The following SLC12A6 variants were observed in gnomAD, a reference collection of about 807,000 sequenced individuals.
SLC12A6 encodes the protein solute carrier family 12 member 6, also known as K-Cl cotransporter 3.
A neutral mutation model predicts 135.3 loss-of-function variants in SLC12A6; 66 were observed. The ratio of observed to expected loss-of-function variants is 0.49; its 90% confidence interval spans 0.40 to 0.60. The LOEUF is 0.60. Ranked by LOEUF, SLC12A6 falls within the 20% of genes least tolerant of loss-of-function variation. SLC12A6 has a pLI of 0.00. For synonymous variants in SLC12A6, 513 were observed against 508.8 expected, an observed-to-expected ratio of 1.01 and a Z score of -0.11; for missense variants, 1,058 against 1,452.3, an observed-to-expected ratio of 0.73 and a Z score of 4.41.
intron 2 of SLC12A6, among the ~76,000 whole-genome samples, chr15:34,278,193 G>A (rs1015701322): frequency 2.6e-5 from 4 of 152,158 alleles, no homozygotes; most frequent in Non-Finnish European, 5.9e-5. Flanking sequence ...TTGGGAGGCC[G>A]AGGCGGGTGG....
intron 20 of SLC12A6, 84 bp downstream of exon 20, chr15:34,238,881 T>A: frequency 8.3e-7 from 1 of 1,200,336 alleles, no homozygotes; most frequent in South Asian, 1.2e-5. Context: ...GCATAGTCTC[T>A]ACTTTAGGAG....
Position 34,236,219 on chromosome 15 carries a change from A to AAG in SLC12A6, c.3043-21_3043-20insCT. ...TTGTGCCTGAGGAAGAAGGTCCAAC[A>AAG]CAAGTTATTCTACCAAATTTTCTCT... On this transcript the variant is annotated intron_variant, in intron 23 of 25. Transcript: ENST00000354181. 9 of 1,603,580 alleles carry AAG rather than the reference A, an allele frequency of 5.6e-6. No individual in the cohort carries two copies. The highest frequency in any genetic ancestry group is 1.7e-4 in the Middle Eastern group (1 of 5,984).
rs749264163 is a variant in SLC12A6, at chr15:34,255,419, GAAGA to G, written c.746-31_746-28del. The G allele has an allele frequency of 1.7e-5, 26 of 1,560,582 alleles. No homozygotes were observed. In the South Asian group the frequency reaches 2.1e-4, roughly 13 times the overall value. On this transcript the variant is annotated intron_variant, in intron 7 of 25. Transcript: ENST00000354181. ...TAAAAGACAAAACAGAAGGTGAATA[GAAGA>G]AAGAGTGTGTATTAGCAAGAGGAAT... is the stretch of plus-strand genomic sequence containing the variant.
chr15:34,305,593 G>A (rs532984293), intron 2 of SLC12A6, among the ~76,000 whole-genome samples: 2 of 151,640 alleles, frequency 1.3e-5, no homozygotes, highest in Non-Finnish European at 2.9e-5. Flanking sequence ...CTGTTCTCCT[G>A]GTGCTTACAC....
chr15:34,263,935 T>C (rs1202664677), intron 3 of SLC12A6, among the ~76,000 whole-genome samples: 1 of 151,958 alleles, frequency 6.6e-6, no homozygotes, highest in Admixed American at 6.6e-5. Flanking sequence ...CAAAATGATA[T>C]TCTGAAAAAG....
At chr15:34,281,696 G>A (rs994818034) in intron 2 of SLC12A6, among the ~76,000 whole-genome samples, 2 of 152,196 alleles carry the variant, frequency 1.3e-5, no homozygotes, top group Admixed American at 6.5e-5. Context: ...GATGAGGCAG[G>A]AGAATAGCTT....
At chr15:34,309,130 A>C (rs1385783940) in intron 2 of SLC12A6, among the ~76,000 whole-genome samples, 1 of 152,194 alleles carries the variant, frequency 6.6e-6, no homozygotes, top group Non-Finnish European at 1.5e-5. Flanking sequence ...ACCATGCTCA[A>C]CAATGGTAGT....
In SLC12A6 at chr15:34,251,003, G is replaced by T; in HGVS notation, c.1388C>A (p.Ala463Asp). Reference protein sequence around the residue: ...PKGEIIEKPSAKSSDVLGSLN... With the variant: ...PKGEIIEKPSDKSSDVLGSLN... ...GCTGCCTAAGACATCAGAAGATTTG[G>T]CTGAAGGCTTTTCGATGATCTCTCC... Residue 463 changes from alanine (A) to aspartate (D), a missense_variant, in exon 11 of 26, where the codon GCC becomes GAC. Physicochemically the swap from Ala to Asp is moderately radical, Grantham distance 126. This residue lies in a region of SLC12A6 where 297 missense variants were observed against 318.5 expected (regional missense o/e 0.93). Coordinates refer to ENST00000354181, the MANE Select transcript of SLC12A6 (RefSeq NM_001365088.1). 6.2e-7 allele frequency: 1 copy of T among 1,611,226 alleles called. No homozygotes were observed. Among genetic ancestry groups the T allele is most frequent in the Non-Finnish European group, 8.5e-7 (1 of 1,177,444 alleles).
chr15:34,252,615 T>G (rs1227504890), intron 9 of SLC12A6, among the ~76,000 whole-genome samples: 3 of 152,212 alleles, frequency 2.0e-5, no homozygotes, highest in Non-Finnish European at 4.4e-5. Flanking sequence ...TATTAGAATT[T>G]CTATGTTGTG....
intron 16 of SLC12A6, among the ~76,000 whole-genome samples, chr15:34,243,065 G>A (rs1891757207): frequency 6.6e-6 from 1 of 151,748 alleles, no homozygotes; most frequent in Non-Finnish European, 1.5e-5. Context: ...GGCTACTTTT[G>A]TATTTTTAGT....
At chr15:34,275,213 G>A in intron 3 of SLC12A6, 132 bp downstream of exon 3, 2 of 580,436 alleles carry the variant, frequency 3.4e-6, no homozygotes, top group South Asian at 4.7e-5. Context: ...GAAACAGCAG[G>A]AAAAAAGTTG....
chr15:34,289,062 C>T (rs568975586), intron 2 of SLC12A6, among the ~76,000 whole-genome samples: 146 of 152,206 alleles, frequency 9.6e-4, no homozygotes, highest in African/African-American at 3.3e-3. Flanking sequence ...TGTCTTGTCC[C>T]GGTTTTCAAA....
rs1363954727 is a variant in SLC12A6, at chr15:34,229,848, G to A, written c.*4033C>T. ...GGGTCTTATTTACATCCTTCTTTAA[G>A]CCCAGTGGCTCCTCAGCATACTCTT... On this transcript the variant is annotated 3_prime_UTR_variant, in exon 26 of 26. Transcript: ENST00000354181. The A allele has an allele frequency of 6.5e-7, 1 of 1,539,536 alleles. No individual in the cohort carries two copies. Among genetic ancestry groups the A allele is most frequent in the East Asian group, 2.2e-5 (1 of 44,562 alleles).
intron 18 of SLC12A6, 163 bp downstream of exon 18, chr15:34,241,070 T>G (rs1167258816): frequency 1.5e-5 from 10 of 663,232 alleles, no homozygotes. Context: ...ATAAACGACA[T>G]GAAGAAAAGG....
rs565068488 is a variant in SLC12A6 at position 34,257,126 on chromosome 15, T to C, written c.690+516A>G. ...TCATAGGTGTGTCTGGGATACATAATGAGAAGTTTAAATTAAAGGAAGATA... is the reference window on the plus strand; with the variant it reads ...TCATAGGTGTGTCTGGGATACATAACGAGAAGTTTAAATTAAAGGAAGATA... On this transcript the variant is annotated intron_variant, in intron 6 of 25. Coordinates refer to ENST00000354181, the MANE Select transcript of SLC12A6 (RefSeq NM_001365088.1). Among the ~76,000 whole-genome samples, 3 of 152,222 alleles carry C rather than the reference T, an allele frequency of 2.0e-5. No homozygotes were observed. The East Asian group carries it at 5.8e-4, about 29-fold the overall frequency.
chr15:34,272,643 T>G (rs561568264), intron 3 of SLC12A6, among the ~76,000 whole-genome samples: 1 of 152,326 alleles, frequency 6.6e-6, no homozygotes, highest in African/African-American at 2.4e-5. Flanking sequence ...AGCAGTCTCT[T>G]TGCAAATACT....
chr15:34,238,039 A>G (rs1483062864), intron 21 of SLC12A6, among the ~76,000 whole-genome samples, 193 bp downstream of exon 21: 2 of 152,102 alleles, frequency 1.3e-5, no homozygotes, highest in African/African-American at 4.8e-5. Context: ...TCACTTGGAG[A>G]TAAGTAGGTA....
At chr15:34,302,564 G>A (rs144704843) in intron 2 of SLC12A6, among the ~76,000 whole-genome samples, 7,183 of 152,164 alleles carry the variant, frequency 0.047, 181 homozygotes, top group Non-Finnish European at 0.062. Flanking sequence ...GTGTGGTGGC[G>A]GGAGCCTGTA....
intron 2 of SLC12A6, among the ~76,000 whole-genome samples, chr15:34,293,673 C>T (rs569855673): frequency 6.6e-6 from 1 of 152,360 alleles, no homozygotes; most frequent in South Asian, 2.1e-4. Context: ...AATCTCAGTT[C>T]ACTGCAGCCT....
Sources: gnomAD v4.1 joint callset for allele counts (sites outside exome capture counted in the v4.1 genomes callset) on GRCh38, gnomAD v4.1.1 for gene constraint, gnomAD v4.1.1 regional missense constraint, MANE v1.5 for transcripts, NCBI Gene and HGNC (gene_info 2026-07-23, HGNC 2026-07-21) for gene names.